SPATA13: variants seen among roughly 807,000 people sequenced by gnomAD.
SPATA13 encodes the protein spermatogenesis-associated protein 13.
A neutral mutation model predicts 104.0 loss-of-function variants in SPATA13; 50 were observed. The observed-to-expected ratio is 0.48, with a 90% CI of 0.38 to 0.61. The LOEUF (loss-of-function observed/expected upper bound fraction) is 0.61. SPATA13 is among the 20% of genes least tolerant of loss of function. The pLI is 0.00. For missense variants in SPATA13, 1,524 were observed against 1,690.6 expected (o/e 0.90, Z 1.73); for synonymous variants, 606 against 667.5 (o/e 0.91, Z 1.42).
chr13:23,984,503 G>A (rs575391081), intron 2 of SPATA13, among the ~76,000 whole-genome samples: 5 of 152,126 alleles, frequency 3.3e-5, no homozygotes, highest in African/African-American at 1.2e-4. Context: ...ATGGCCCCGC[G>A]CAGCACCTGT....
chr13:24,116,330 G>A (rs532469749), intron 3 of SPATA13, among the ~76,000 whole-genome samples: 7 of 152,248 alleles, frequency 4.6e-5, no homozygotes, highest in South Asian at 2.1e-4. Flanking sequence ...TCATCACTCC[G>A]CAAAGGCCCA....
chr13:24,166,810 T>C (rs1160947928), intron 1 of SPATA13, among the ~76,000 whole-genome samples: 2 of 152,228 alleles, frequency 1.3e-5, no homozygotes, highest in African/African-American at 4.8e-5. Flanking sequence ...CAGAGAATGG[T>C]AATCCTCTTT....
intron 3 of SPATA13, among the ~76,000 whole-genome samples, chr13:24,017,948 A>G (rs1876791090): frequency 6.6e-6 from 1 of 152,158 alleles, no homozygotes; most frequent in Admixed American, 6.5e-5. Flanking sequence ...CTCTTAGCAA[A>G]ATTTTAGACC....
At chr13:24,293,920 TGATG>T (rs1020601444) in intron 9 of SPATA13, among the ~76,000 whole-genome samples, 14 of 152,194 alleles carry the variant, frequency 9.2e-5, no homozygotes, top group African/African-American at 2.9e-4. Flanking sequence ...ATTCCAGCTG[TGATG>T]GAGTGGCCCT....
At chr13:23,981,431 C>G (rs1416531597) in intron 1 of SPATA13, among the ~76,000 whole-genome samples, 2 of 152,168 alleles carry the variant, frequency 1.3e-5, no homozygotes, top group African/African-American at 4.8e-5. Context: ...CAGTGCTAGA[C>G]TTGAGAGCAG....
At chr13:24,170,083 C>T (rs982528513) in intron 1 of SPATA13, among the ~76,000 whole-genome samples, 7 of 152,212 alleles carry the variant, frequency 4.6e-5, no homozygotes, top group African/African-American at 1.7e-4. Flanking sequence ...AGTACAAGGT[C>T]CCATCTTCAG....
intron 1 of SPATA13, among the ~76,000 whole-genome samples, chr13:24,222,347 T>C (rs1871632535): frequency 6.6e-6 from 1 of 152,210 alleles, no homozygotes; most frequent in South Asian, 2.1e-4. Flanking sequence ...CTGCTCCTCA[T>C]GCTTATTCCT....
At chr13:24,263,424 A>G (rs1471366093) in intron 4 of SPATA13, among the ~76,000 whole-genome samples, 1 of 152,184 alleles carries the variant, frequency 6.6e-6, no homozygotes, top group Non-Finnish European at 1.5e-5. Context: ...ACTCATGCCA[A>G]GGAATATTGG....
intron 3 of SPATA13, among the ~76,000 whole-genome samples, chr13:24,135,719 G>C (rs1007353698): frequency 8.0e-6 from 1 of 125,596 alleles, no homozygotes; most frequent in Non-Finnish European, 1.7e-5. Flanking sequence ...AAAAAAAAAA[G>C]AGTATTTTTA....
At chr13:24,079,798 A>G (rs767363955) in intron 3 of SPATA13, among the ~76,000 whole-genome samples, 41 of 152,106 alleles carry the variant, frequency 2.7e-4, no homozygotes, top group Non-Finnish European at 5.3e-4. Flanking sequence ...GCAATTTTGT[A>G]CTTTCTGATT....
chr13:24,279,422 G>GTTTGGCAGCATCGC (rs1392623187), intron 4 of SPATA13, among the ~76,000 whole-genome samples: 4 of 152,152 alleles, frequency 2.6e-5, no homozygotes, highest in Non-Finnish European at 5.9e-5. Flanking sequence ...TCTAGGAATG[G>GTTTGGCAGCATCGC]TTTGGCAGCA....
chr13:24,263,448 A>T (rs1220440309), intron 4 of SPATA13, among the ~76,000 whole-genome samples: 2 of 152,186 alleles, frequency 1.3e-5, no homozygotes, highest in African/African-American at 2.4e-5. Context: ...TTGATTATAC[A>T]GTCATCCCTG....
chr13:24,057,748 C>A (rs1878618514), intron 3 of SPATA13, among the ~76,000 whole-genome samples: 1 of 151,748 alleles, frequency 6.6e-6, no homozygotes, highest in East Asian at 1.9e-4. Context: ...TCTCTGAGCA[C>A]CTTGACCCTA....
In SPATA13 at chr13:24,286,493, T is replaced by C; in HGVS notation, c.2481+100T>C. 1.6e-6 allele frequency: 2 copies of C among 1,261,290 alleles called. No individual in the cohort carries two copies. The highest frequency in any genetic ancestry group is 2.2e-6 in the Non-Finnish European group (2 of 921,112). The allele number at this position is 1,261,290 out of a possible 1,614,324, so 78.1% of individuals were successfully genotyped here. ...TTTTATCAGGTCAGCTCTTTTGTAA[T>C]TGATATCTGACATGCAAGTCACACC... On this transcript the variant is annotated intron_variant, in intron 6 of 12. Transcript: ENST00000382108. The surrounding 1 kb of genome is among the most constrained non-coding windows in gnomAD (Gnocchi z 4.9).
chr13:24,078,897 CA>C (rs1370732379), intron 3 of SPATA13, among the ~76,000 whole-genome samples: 1 of 152,158 alleles, frequency 6.6e-6, no homozygotes, highest in Non-Finnish European at 1.5e-5. Flanking sequence ...ACTGTGGACC[CA>C]ACAGTTTGGG....
intron 11 of SPATA13, 78 bp downstream of exon 11, chr13:24,297,813 C>T: frequency 6.7e-7 from 1 of 1,494,484 alleles, no homozygotes; most frequent in Non-Finnish European, 8.9e-7. Flanking sequence ...CATGGGCCTG[C>T]TCTGCCCAGC....
At chr13:24,294,924 A>G (rs9553234) in intron 10 of SPATA13, 56 bp downstream of exon 10, 572,425 of 1,555,384 alleles carry the variant, frequency 0.37, 106,058 homozygotes, top group East Asian at 0.41. Flanking sequence ...CGCACCTTTG[A>G]TCTGGTGCAG....
intron 3 of SPATA13, among the ~76,000 whole-genome samples, chr13:24,139,026 T>C (rs1425794082): frequency 6.6e-6 from 1 of 152,168 alleles, no homozygotes; most frequent in Non-Finnish European, 1.5e-5. Flanking sequence ...TAAAGCAACA[T>C]AAATGAATTC....
At chr13:24,300,179 C>T (rs1260442798) in intron 11 of SPATA13, among the ~76,000 whole-genome samples, 1 of 152,200 alleles carries the variant, frequency 6.6e-6, no homozygotes, top group Non-Finnish European at 1.5e-5. Context: ...TTTCACTCTC[C>T]AAACTGTCCG....
Sources: allele counts gnomAD v4.1 joint callset (sites outside exome capture counted in the v4.1 genomes callset), GRCh38; gene constraint gnomAD v4.1.1; non-coding constraint Gnocchi (gnomAD v3.1); transcripts MANE v1.5; gene names NCBI Gene and HGNC (gene_info 2026-07-23, HGNC 2026-07-21).